Variants in UNC5B observed in about 807,000 individuals in gnomAD.
UNC5B encodes netrin receptor UNC5B.
UNC5B carries 56 observed loss-of-function variants against 103.7 expected under a neutral mutation model. The ratio of observed to expected loss-of-function variants is 0.54; its 90% CI spans 0.44 to 0.67. UNC5B has a LOEUF of 0.67. Ranked by LOEUF, UNC5B falls within the 30% of genes least tolerant of loss-of-function variation. UNC5B has a pLI of 0.00. For missense variants in UNC5B, 1,194 were observed against 1,284.5 expected, an observed-to-expected ratio of 0.93 and a Z score of 1.08; for synonymous variants, 577 against 542.0, an observed-to-expected ratio of 1.06 and a Z score of -0.90.
At chr10:71,237,325 C>T (rs16928536) in intron 1 of UNC5B, among the ~76,000 whole-genome samples, 2,218 of 152,186 alleles carry the variant, frequency 0.015, 72 homozygotes, top group East Asian at 0.12. Flanking sequence ...ATGTGAGCCT[C>T]GTCTTCAACC....
chr10:71,285,575 A>G lies in UNC5B; in HGVS notation c.552+146A>G, dbSNP rs796200582. On this transcript the variant is annotated intron_variant, in intron 4 of 16. Coordinates refer to ENST00000335350, the MANE Select transcript of UNC5B (RefSeq NM_170744.5). ...GATGAGATCGAGGCTTAGCACAGAG[A>G]AGAGAACTGTTACCTCTGTCGAACG... 1.3e-5 allele frequency: 10 copies of G among 750,628 alleles called. No individual in the cohort carries two copies. The African/African-American group carries it at 1.6e-4, about 12-fold the overall frequency. 46.5% of individuals were successfully genotyped at this position (750,628 alleles called of 1,614,324 possible). A position where few individuals can be genotyped will look rare whatever the true frequency, so the allele number is the denominator to read the frequency against.
In UNC5B at chr10:71,299,293, G is replaced by A. The variant is rs767216276; in HGVS notation, c.*16G>A. On this transcript the variant is annotated 3_prime_UTR_variant, in exon 17 of 17. Transcript: ENST00000335350. ...GGACTGCTGAGCCTCCTGGGACAGC[G>A]GGCTGGCAGGGACTGGCAGGAGGCA... 58 of 1,612,830 alleles carry A rather than the reference G, an allele frequency of 3.6e-5. No individual in the cohort carries two copies. The highest frequency in any genetic ancestry group is 5.0e-5 in the Admixed American group (3 of 60,002).
At chr10:71,248,596 G>A (rs186648482) in intron 1 of UNC5B, among the ~76,000 whole-genome samples, 51 of 152,204 alleles carry the variant, frequency 3.4e-4, no homozygotes, top group African/African-American at 1.2e-3. Flanking sequence ...ATGGACACAC[G>A]GTTAGTGTAA....
At chr10:71,276,020 C>T (rs1256507715) in intron 1 of UNC5B, among the ~76,000 whole-genome samples, 1 of 152,116 alleles carries the variant, frequency 6.6e-6, no homozygotes, top group Non-Finnish European at 1.5e-5. Context: ...GTGCACACAT[C>T]CCTGTTCGTA....
intron 1 of UNC5B, among the ~76,000 whole-genome samples, chr10:71,261,897 C>A (rs1375356030): frequency 2.0e-5 from 3 of 151,908 alleles, no homozygotes; most frequent in African/African-American, 7.3e-5. Context: ...ACAGAACACC[C>A]AGCCCTTAGA....
chr10:71,220,797 G>A (rs1057492022), intron 1 of UNC5B, among the ~76,000 whole-genome samples: 4 of 152,144 alleles, frequency 2.6e-5, no homozygotes. Context: ...CTTCCTCCAC[G>A]GGAGTGAAAG....
intron 1 of UNC5B, among the ~76,000 whole-genome samples, chr10:71,244,706 A>G (rs1319762943): frequency 1.3e-5 from 2 of 152,202 alleles, no homozygotes; most frequent in Non-Finnish European, 2.9e-5. Context: ...GAGAGCTAGG[A>G]TGTCCGCTTC....
At chr10:71,267,239 G>T (rs756214462) in intron 1 of UNC5B, among the ~76,000 whole-genome samples, 1 of 152,182 alleles carries the variant, frequency 6.6e-6, no homozygotes, top group Non-Finnish European at 1.5e-5. Context: ...GAAAATTGAG[G>T]CCCAGAGGGA....
intron 1 of UNC5B, among the ~76,000 whole-genome samples, chr10:71,215,846 C>T (rs543588576): frequency 4.2e-4 from 64 of 150,674 alleles, no homozygotes; most frequent in African/African-American, 1.5e-3. Flanking sequence ...TGTGTGTGCT[C>T]GCGTGCATGC....
intron 1 of UNC5B, among the ~76,000 whole-genome samples, chr10:71,238,393 C>T (rs1252382673): frequency 1.3e-5 from 2 of 152,206 alleles, no homozygotes; most frequent in African/African-American, 4.8e-5. Flanking sequence ...CACTCCTGTT[C>T]TCAATCCTGT....
chr10:71,215,257 A>G (rs997911291), intron 1 of UNC5B, among the ~76,000 whole-genome samples: 11 of 152,192 alleles, frequency 7.2e-5, no homozygotes, highest in Non-Finnish European at 1.5e-4. Context: ...TCACTTGGCC[A>G]CAGATTGAAG....
rs1208995911 is a variant in UNC5B, at chr10:71,301,140, C to G, written c.*1863C>G. ...CCAGGCAGTGACCCTAGGGCATGCC[C>G]CAGCAGGTCTCCGAGCAGCCACTGG... On this transcript the variant is annotated 3_prime_UTR_variant, in exon 17 of 17. Coordinates refer to ENST00000335350, the MANE Select transcript of UNC5B (RefSeq NM_170744.5). 6.6e-6 allele frequency: 1 copy of G among 152,388 alleles called. No homozygotes were observed. The highest frequency in any genetic ancestry group is 1.9e-4 in the East Asian group (1 of 5,196). The allele number at this position is 152,388 out of a possible 1,614,324, so 9.4% of individuals were successfully genotyped here.
At chr10:71,269,432 C>G (rs954936467) in intron 1 of UNC5B, among the ~76,000 whole-genome samples, 2 of 147,384 alleles carry the variant, frequency 1.4e-5, no homozygotes, top group Non-Finnish European at 3.0e-5. Context: ...GATCTGGAGC[C>G]AGACCACACC....
intron 1 of UNC5B, among the ~76,000 whole-genome samples, chr10:71,247,687 G>A (rs896125145): frequency 4.6e-5 from 7 of 152,200 alleles, no homozygotes; most frequent in East Asian, 1.9e-4. Flanking sequence ...GGATGTGAGC[G>A]AGCCACAGCA....
chr10:71,256,558 G>T (rs1844294590), intron 1 of UNC5B, among the ~76,000 whole-genome samples: 1 of 152,264 alleles, frequency 6.6e-6, no homozygotes, highest in South Asian at 2.1e-4. Context: ...CAGAGGCAGA[G>T]GCGCTGAAGG....
chr10:71,286,586 C>T (rs1052129294), intron 4 of UNC5B, 103 bp from the exon 5 acceptor site: 10 of 1,438,874 alleles, frequency 6.9e-6, no homozygotes, highest in Non-Finnish European at 9.6e-6. Flanking sequence ...GGCCCTGCCT[C>T]ACTGCCACGA....
rs535645216 is a variant in UNC5B, at chr10:71,244,685, A to G, written c.79+31621A>G. The stretch of plus-strand genomic sequence containing the variant: ...CCAAGAGGAGAGGAGGGAGGAGGGA[A>G]GGCGGATCCTGAGAGCTAGGATGTC... On this transcript the variant is annotated intron_variant, in intron 1 of 16. Transcript: ENST00000335350. Among the ~76,000 whole-genome samples, 27 of 152,348 alleles carry G rather than the reference A, an allele frequency of 1.8e-4. 1 individual carries two copies. The highest frequency in any genetic ancestry group is 6.8e-3 in the Middle Eastern group (2 of 294).
intron 9 of UNC5B, 108 bp from the exon 10 acceptor site, chr10:71,291,324 C>A: frequency 6.7e-7 from 1 of 1,489,100 alleles, no homozygotes. Flanking sequence ...CTGCAGCTGG[C>A]AGCAATTGGG....
rs1006601166 is a variant in UNC5B, at chr10:71,301,889, C to T, written c.*2612C>T. The T allele has an allele frequency of 6.6e-6, 1 of 152,164 alleles. No individual in the cohort carries two copies. Among genetic ancestry groups the T allele is most frequent in the African/African-American group, 2.4e-5 (1 of 41,388 alleles). 9.4% of individuals were successfully genotyped at this position (152,164 alleles called of 1,614,324 possible). On this transcript the variant is annotated 3_prime_UTR_variant, in exon 17 of 17. Transcript: ENST00000335350. Reference sequence around the variant, plus strand: ...GCCCCTCCTCCCTGTTCTTTTCTGTCCTCCCCACCCCACCCTCAGAAGCTG... The same window carrying T: ...GCCCCTCCTCCCTGTTCTTTTCTGTTCTCCCCACCCCACCCTCAGAAGCTG...
Sources: gnomAD v4.1 joint callset for allele counts (sites outside exome capture counted in the v4.1 genomes callset) on GRCh38, gnomAD v4.1.1 for gene constraint, MANE v1.5 for transcripts, NCBI Gene and HGNC (gene_info 2026-07-23, HGNC 2026-07-21) for gene names.